The following GGACT variants were observed in gnomAD, a reference collection of about 807,000 sequenced individuals.
The protein encoded by GGACT is gamma-glutamylamine cyclotransferase.
For synonymous variants in GGACT, 118 were observed against 115.3 expected (o/e 1.02, Z -0.15); for missense variants, 241 against 233.2 (o/e 1.03, Z -0.22).
chr13:100,541,523 C>T (rs964958749), intron 2 of GGACT, among the ~76,000 whole-genome samples: 2 of 152,194 alleles, frequency 1.3e-5, no homozygotes, highest in African/African-American at 4.8e-5. Flanking sequence ...CTCAGGTCTC[C>T]ACTTAACTCC....
chr13:100,567,189 A>G (rs529054518), intron 2 of GGACT, among the ~76,000 whole-genome samples: 2 of 152,332 alleles, frequency 1.3e-5, no homozygotes, highest in South Asian at 4.1e-4. Flanking sequence ...AGGCTTCTCC[A>G]CAGAGAAGTT....
rs866187114 is a variant in GGACT at position 100,532,182 on chromosome 13, T to C, written c.410A>G (p.Tyr137Cys). ...EWAQLPHHDSYDSEGPHGLRY... is the reference protein window; with the variant it reads ...EWAQLPHHDSCDSEGPHGLRY... ...CAGCCCGTGCGGCCCCTCGGAGTCG[T>C]AGCTGTCATGGTGCGGGAGCTGGGC... Residue 137 changes from tyrosine to cysteine, a missense_variant, in exon 3 of 3, where the codon TAC (tyrosine) becomes TGC (cysteine). Transcript: ENST00000683975. The C allele has an allele frequency of 6.8e-7, 1 of 1,466,602 alleles. No homozygotes were observed. Among genetic ancestry groups the C allele is most frequent in the African/African-American group, 1.4e-5 (1 of 70,612 alleles). The allele number at this position is 1,466,602 out of a possible 1,614,324, so 90.8% of individuals were successfully genotyped here. A position where few individuals can be genotyped will look rare whatever the true frequency, so the allele number is the denominator to read the frequency against.
rs1338554167 is a variant in GGACT at position 100,534,167 on chromosome 13, C to T, written c.-10-1566G>A. ...TAGGCCTCATTTTGCTCAAGAGGCA[C>T]GTCTGCTGCCTCTTGGTTCTATCAC... On this transcript the variant is annotated intron_variant, in intron 2 of 2. Transcript: ENST00000683975. This position sits in a 1 kb window ranked among gnomAD's most constrained non-coding sequence, Gnocchi z 4.9. 2.0e-5 allele frequency among the ~76,000 whole-genome samples: 3 copies of T among 152,172 alleles called. No homozygotes were observed. Among genetic ancestry groups the T allele is most frequent in the African/African-American group, 7.2e-5 (3 of 41,440 alleles).
chr13:100,538,650 TATG>T (rs1295865232), intron 2 of GGACT: 1 of 152,252 alleles, frequency 6.6e-6, no homozygotes, highest in Non-Finnish European at 1.5e-5. Flanking sequence ...ACAGTAACTT[TATG>T]ATAAGTTTTG....
chr13:100,554,639 T>C (rs1594189973), intron 2 of GGACT, among the ~76,000 whole-genome samples: 1 of 152,322 alleles, frequency 6.6e-6, no homozygotes, highest in African/African-American at 2.4e-5. Flanking sequence ...CCTTATTTTT[T>C]CAGAGACGCA....
intron 2 of GGACT, among the ~76,000 whole-genome samples, chr13:100,568,443 G>A (rs949567984): frequency 6.6e-6 from 1 of 152,228 alleles, no homozygotes; most frequent in Non-Finnish European, 1.5e-5. Context: ...GAAGGGGCAA[G>A]CCCCTTATAA....
At chr13:100,566,022 GAGA>G (rs200455425) in intron 2 of GGACT, among the ~76,000 whole-genome samples, 2,263 of 152,292 alleles carry the variant, frequency 0.015, 57 homozygotes, top group African/African-American at 0.051. Context: ...ATGCCACGTA[GAGA>G]AGAAGTGAGG....
intron 2 of GGACT, among the ~76,000 whole-genome samples, chr13:100,563,139 G>A (rs146032280): frequency 6.6e-5 from 10 of 152,300 alleles, no homozygotes; most frequent in Middle Eastern, 3.4e-3. Flanking sequence ...CTTGGTTGTA[G>A]CAACCCTAGT....
intron 2 of GGACT, among the ~76,000 whole-genome samples, chr13:100,574,308 C>T (rs7324928): frequency 0.41 from 61,620 of 152,042 alleles, 14,805 homozygotes; most frequent in South Asian, 0.68. Flanking sequence ...CGTGGTGGCT[C>T]ATACCTGTAA....
Position 100,541,438 on chromosome 13 carries a change from C to T in GGACT, c.-10-8837G>A, listed in dbSNP as rs929651951. Reference sequence around the variant, plus strand: ...CAAAGAGTTACCCTCCACTGACTGCCGACTGTGCAGGCATGAGCACCTGAT... The same window carrying T: ...CAAAGAGTTACCCTCCACTGACTGCTGACTGTGCAGGCATGAGCACCTGAT... On this transcript the variant is annotated intron_variant, in intron 2 of 2. Transcript: ENST00000683975. Among the ~76,000 whole-genome samples, 4 of 152,184 alleles carry T rather than the reference C, an allele frequency of 2.6e-5. No homozygotes were observed. In the East Asian group the frequency reaches 7.7e-4, roughly 29 times the overall value.
At chr13:100,588,303 G>A (rs1013533564) in intron 1 of GGACT, among the ~76,000 whole-genome samples, 4 of 152,174 alleles carry the variant, frequency 2.6e-5, no homozygotes, top group African/African-American at 9.7e-5. Flanking sequence ...GATTTCTTTT[G>A]CAGCTTCTAG....
At chr13:100,572,823 C>G (rs982658486) in intron 2 of GGACT, among the ~76,000 whole-genome samples, 2 of 152,140 alleles carry the variant, frequency 1.3e-5, no homozygotes, top group African/African-American at 4.8e-5. Flanking sequence ...TACATTTATG[C>G]ATTTTGCTGC....
At chr13:100,587,988 T>A (rs1452742511) in intron 1 of GGACT, among the ~76,000 whole-genome samples, 6 of 152,178 alleles carry the variant, frequency 3.9e-5, no homozygotes, top group South Asian at 2.1e-4. Flanking sequence ...ATCGCGCCAC[T>A]GCACTCCAGC....
intron 2 of GGACT, among the ~76,000 whole-genome samples, chr13:100,580,714 CA>C (rs1875388420): frequency 6.6e-6 from 1 of 152,144 alleles, no homozygotes; most frequent in Non-Finnish European, 1.5e-5. Flanking sequence ...GAAGAACTGC[CA>C]GGGGGAAGCT....
intron 2 of GGACT, among the ~76,000 whole-genome samples, chr13:100,535,564 A>G (rs547801970): frequency 6.6e-6 from 1 of 152,304 alleles, no homozygotes; most frequent in Non-Finnish European, 1.5e-5. Flanking sequence ...ATCTGCTGAC[A>G]TGTAGCGTGT....
At chr13:100,533,719 T>C (rs2088451546) in intron 2 of GGACT, 1 of 152,218 alleles carries the variant, frequency 6.6e-6, no homozygotes, top group Admixed American at 6.5e-5. Context: ...CCCGCAGCGA[T>C]CTTGGCTCCA....
intron 2 of GGACT, among the ~76,000 whole-genome samples, chr13:100,550,299 TACACACACACACACACACACAC>T (rs755235689): frequency 1.2e-3 from 33 of 27,274 alleles, no homozygotes; most frequent in East Asian, 9.9e-3. Flanking sequence ...GATTATACTC[TACACACACACACACACACACAC>T]ACACACACAC....
rs1373030674 is a variant in GGACT at position 100,530,310 on chromosome 13, T to G, written c.*1820A>C. 2.8e-6 allele frequency: 2 copies of G among 720,552 alleles called. No individual in the cohort carries two copies. The highest frequency in any genetic ancestry group is 5.0e-6 in the Non-Finnish European group (2 of 400,526). The allele number at this position is 720,552 out of a possible 1,614,324, so 44.6% of individuals were successfully genotyped here. Reference sequence around the variant, plus strand: ...ATTTATTCCACAGAGTCAAGACCAATATTCTGCCAAAAAATCACCAATGGA... The same window carrying G: ...ATTTATTCCACAGAGTCAAGACCAAGATTCTGCCAAAAAATCACCAATGGA... On this transcript the variant is annotated 3_prime_UTR_variant, in exon 3 of 3. Transcript: ENST00000683975.
chr13:100,532,535 G>A lies in GGACT; in HGVS notation c.57C>T (p.Val19=). 2 of 1,548,042 alleles carry A rather than the reference G, an allele frequency of 1.3e-6. No individual in the cohort carries two copies. Among genetic ancestry groups the A allele is most frequent in the Non-Finnish European group, 1.7e-6 (2 of 1,145,602 alleles). The change falls in exon 3 of 3, where the codon GTC becomes GTT. Residue 19 remains valine, a synonymous_variant. Transcript: ENST00000683975. ...TLKRGQPNHR[V]LRDGAHGSAA... is the part of the protein sequence containing the mutation. ...CGGAGCCGTGGGCGCCGTCCCGCAG[G>A]ACCCTGTGGTTGGGCTGACCCCGCT...
Sources: gnomAD v4.1 joint callset for allele counts (sites outside exome capture counted in the v4.1 genomes callset) on GRCh38, gnomAD v4.1.1 for gene constraint, Gnocchi (gnomAD v3.1) non-coding constraint, MANE v1.5 for transcripts, NCBI Gene and HGNC (gene_info 2026-07-23, HGNC 2026-07-21) for gene names.